The following GRID2 variants were observed in gnomAD, a reference collection of about 807,000 sequenced individuals.
GRID2 encodes glutamate ionotropic receptor delta type subunit 2.
Under a neutral mutation model 114.8 loss-of-function variants are expected in GRID2, and 33 were observed. The observed-to-expected ratio is 0.29, with a 90% CI of 0.22 to 0.38. The LOEUF is 0.38. Ranked by LOEUF, GRID2 falls within the 10% of genes least tolerant of loss-of-function variation. The probability of loss-of-function intolerance (pLI) is 1.00; values close to 1 mark genes in which losing one functional copy is unlikely to be tolerated. For synonymous variants in GRID2, 505 were observed against 449.9 expected (o/e 1.12, Z -1.55); for missense variants, 1,184 against 1,257.7 (o/e 0.94, Z 0.89).
chr4:93,762,464 G>T (rs913856770), intron 14 of GRID2, among the ~76,000 whole-genome samples: 2 of 152,098 alleles, frequency 1.3e-5, no homozygotes, highest in Non-Finnish European at 2.9e-5. Flanking sequence ...AGTTTCTGGC[G>T]TTACATAGCT....
At chr4:92,969,064 G>A (rs1019014493) in intron 2 of GRID2, among the ~76,000 whole-genome samples, 31 of 151,688 alleles carry the variant, frequency 2.0e-4, no homozygotes, top group African/African-American at 6.3e-4. Flanking sequence ...TAAGGCAATA[G>A]TAGCATAGGT....
At chr4:93,221,983 G>T (rs772103884) in intron 6 of GRID2, among the ~76,000 whole-genome samples, 22 of 152,112 alleles carry the variant, frequency 1.4e-4, no homozygotes, top group Non-Finnish European at 1.5e-5. Context: ...TAGAACCCAG[G>T]TTACCAGATT....
At chr4:92,381,366 G>A (rs1729611168) in intron 1 of GRID2, among the ~76,000 whole-genome samples, 2 of 151,994 alleles carry the variant, frequency 1.3e-5, no homozygotes, top group Non-Finnish European at 2.9e-5. Flanking sequence ...GGGAAAAGTA[G>A]GCTGCTCGTG....
intron 11 of GRID2, among the ~76,000 whole-genome samples, chr4:93,488,884 G>C (rs547555224): frequency 3.3e-5 from 5 of 151,900 alleles, no homozygotes; most frequent in Non-Finnish European, 7.4e-5. Context: ...TATCGGATTA[G>C]AATCCATGCT....
At chr4:93,703,891 A>G (rs1727752976) in intron 14 of GRID2, among the ~76,000 whole-genome samples, 1 of 151,960 alleles carries the variant, frequency 6.6e-6, no homozygotes, top group African/African-American at 2.4e-5. Flanking sequence ...AATCCAGTCT[A>G]TCATTGTTGG....
At chr4:92,678,489 C>G (rs1284399473) in intron 2 of GRID2, among the ~76,000 whole-genome samples, 1 of 151,988 alleles carries the variant, frequency 6.6e-6, no homozygotes, top group African/African-American at 2.4e-5. Context: ...CACTCAAAGT[C>G]TGAAGTAATT....
intron 9 of GRID2, among the ~76,000 whole-genome samples, chr4:93,419,344 A>G (rs1192038073): frequency 6.6e-6 from 1 of 151,998 alleles, no homozygotes; most frequent in East Asian, 1.9e-4. Context: ...AATAAATTTT[A>G]GAGATAGGTA....
At chr4:93,658,355 A>C (rs761010674) in intron 14 of GRID2, among the ~76,000 whole-genome samples, 5 of 152,302 alleles carry the variant, frequency 3.3e-5, no homozygotes, top group Non-Finnish European at 7.4e-5. Context: ...TTAGAAATTA[A>C]TAAAGAGGTC....
At chr4:93,382,680 T>C (rs1763970635) in intron 8 of GRID2, among the ~76,000 whole-genome samples, 2 of 152,098 alleles carry the variant, frequency 1.3e-5, no homozygotes, top group Non-Finnish European at 2.9e-5. Flanking sequence ...TTTATTACAG[T>C]TGTTTTATTA....
At chr4:93,532,419 G>T (rs1031821814) in intron 13 of GRID2, among the ~76,000 whole-genome samples, 8 of 152,070 alleles carry the variant, frequency 5.3e-5, no homozygotes, top group African/African-American at 1.9e-4. Context: ...CCTTAAGCTT[G>T]AGCACCCCAT....
At position 92,922,166 on chromosome 4, in the gene GRID2, G is replaced by T. The variant is rs114459910; in HGVS notation, c.245-162829G>T. ...TGAGCCAGGTGCGGGATATAATCTC[G>T]TGGTGTGCCGCTTGCTAAGACAGTT... is the stretch of plus-strand genomic sequence containing the variant. On this transcript the variant is annotated intron_variant, in intron 2 of 15. Transcript: ENST00000282020. Among the ~76,000 whole-genome samples, 1,071 of 152,316 alleles carry T rather than the reference G, an allele frequency of 7.0e-3. 10 individuals carry two copies. The highest frequency in any genetic ancestry group is 0.011 in the Non-Finnish European group (729 of 68,024).
At chr4:93,358,541 G>A (rs1351338986) in intron 8 of GRID2, among the ~76,000 whole-genome samples, 3 of 151,802 alleles carry the variant, frequency 2.0e-5, no homozygotes, top group Non-Finnish European at 2.9e-5. Flanking sequence ...TTAGAAAATA[G>A]ATAAATGGGG....
chr4:93,210,281 C>T (rs779641531), intron 5 of GRID2, among the ~76,000 whole-genome samples: 49 of 151,980 alleles, frequency 3.2e-4, no homozygotes, highest in Non-Finnish European at 3.4e-4. Flanking sequence ...TAAAATGGTC[C>T]AGTTTCAATC....
chr4:93,552,292 G>A (rs141232249), intron 13 of GRID2, among the ~76,000 whole-genome samples: 1,676 of 152,118 alleles, frequency 0.011, 21 homozygotes, highest in African/African-American at 0.038. Flanking sequence ...TTGGACATTC[G>A]GGTTGGTCAC....
At chr4:92,608,814 T>C (rs1729582501) in intron 2 of GRID2, among the ~76,000 whole-genome samples, 1 of 151,824 alleles carries the variant, frequency 6.6e-6, no homozygotes, top group Non-Finnish European at 1.5e-5. Flanking sequence ...TTGAGGTTTG[T>C]TTATTCTGAA....
intron 13 of GRID2, among the ~76,000 whole-genome samples, chr4:93,602,528 T>G (rs13102136): frequency 0.19 from 28,916 of 152,218 alleles, 3,204 homozygotes; most frequent in Middle Eastern, 0.33. Context: ...TTATATCTGC[T>G]GAAGTGATCT....
chr4:93,753,998 A>T (rs1193433398), intron 14 of GRID2, among the ~76,000 whole-genome samples: 1 of 152,208 alleles, frequency 6.6e-6, no homozygotes, highest in Admixed American at 6.5e-5. Flanking sequence ...TACTTACACA[A>T]ATCTAGACGG....
chr4:93,619,989 G>A (rs1742064078), intron 13 of GRID2, among the ~76,000 whole-genome samples: 1 of 152,168 alleles, frequency 6.6e-6, no homozygotes, highest in Non-Finnish European at 1.5e-5. Context: ...GTAGTGCAAA[G>A]AGCATAGGAA....
chr4:93,447,033 A>G (rs1018632257), intron 10 of GRID2, among the ~76,000 whole-genome samples: 1 of 151,892 alleles, frequency 6.6e-6, no homozygotes, highest in African/African-American at 2.4e-5. Context: ...AAACACAATA[A>G]AATTAAGATG....
Sources: gnomAD v4.1 joint callset for allele counts (sites outside exome capture counted in the v4.1 genomes callset) on GRCh38, gnomAD v4.1.1 for gene constraint, MANE v1.5 for transcripts, NCBI Gene and HGNC (gene_info 2026-07-23, HGNC 2026-07-21) for gene names.